The following MICU3 variants were observed in gnomAD, a reference collection of about 807,000 sequenced individuals.
MICU3 encodes the protein calcium uptake protein 3, mitochondrial.
A neutral mutation model predicts 66.5 loss-of-function variants in MICU3; 62 were observed. That is an observed-to-expected ratio of 0.93 (90% confidence interval 0.76 to 1.15). MICU3 has a LOEUF of 1.15. Among genes scored for constraint, MICU3 ranks in the 50% most tolerant of loss-of-function variants. The pLI is 0.00. For missense variants in MICU3, 779 were observed against 664.4 expected (o/e 1.17, Z -1.90); for synonymous variants, 308 against 240.7 (o/e 1.28, Z -2.59).
intron 12 of MICU3, 63 bp downstream of exon 12, chr8:17,114,264 G>A: frequency 2.8e-6 from 3 of 1,067,740 alleles, no homozygotes; most frequent in Non-Finnish European, 4.2e-6. Flanking sequence ...TATAGATTTT[G>A]GCAACCAATT....
At chr8:17,138,383 C>A in the MICU3 span, among the ~76,000 whole-genome samples, 1 of 152,122 alleles carries the variant, frequency 6.6e-6, no homozygotes, top group African/African-American at 2.4e-5. Flanking sequence ...ACAGAACATA[C>A]CTTCAACCGT....
intron 12 of MICU3, among the ~76,000 whole-genome samples, chr8:17,116,045 C>G (rs1802649568): frequency 6.6e-6 from 1 of 152,222 alleles, no homozygotes; most frequent in African/African-American, 2.4e-5. Context: ...AGTGATCACT[C>G]ATCTCCAGAT....
the MICU3 span, among the ~76,000 whole-genome samples, chr8:17,133,420 GT>G: frequency 6.6e-6 from 1 of 151,882 alleles, no homozygotes; most frequent in East Asian, 1.9e-4. Flanking sequence ...CACTTTCTTT[GT>G]ATATCAAATA....
intron 11 of MICU3, among the ~76,000 whole-genome samples, chr8:17,111,900 G>A (rs1375377850): frequency 1.3e-5 from 2 of 152,142 alleles, no homozygotes; most frequent in Non-Finnish European, 2.9e-5. Context: ...ACATGGCTGG[G>A]GAGGCCTGAG....
intron 4 of MICU3, among the ~76,000 whole-genome samples, chr8:17,078,690 G>A (rs1820741160): frequency 6.6e-6 from 1 of 151,938 alleles, no homozygotes. Context: ...CAAATACTTT[G>A]AAGGAGTAGT....
chr8:17,057,349 T>A (rs779553426), intron 1 of MICU3, among the ~76,000 whole-genome samples: 4 of 152,152 alleles, frequency 2.6e-5, no homozygotes, highest in Admixed American at 6.5e-5. Context: ...AGCTCAGTTC[T>A]TGTTCCCAGA....
At chr8:17,056,539 T>C (rs1816958358) in intron 1 of MICU3, among the ~76,000 whole-genome samples, 1 of 152,218 alleles carries the variant, frequency 6.6e-6, no homozygotes, top group Admixed American at 6.5e-5. Flanking sequence ...AAGGAATTCA[T>C]GATTGAATGG....
At chr8:17,058,511 T>A (rs552035090) in intron 1 of MICU3, among the ~76,000 whole-genome samples, 1 of 152,222 alleles carries the variant, frequency 6.6e-6, no homozygotes, top group Admixed American at 6.5e-5. Flanking sequence ...TTTAATGTCA[T>A]GTTCCGCCTT....
chr8:17,040,527 G>A (rs939617226), intron 1 of MICU3, among the ~76,000 whole-genome samples: 29 of 152,174 alleles, frequency 1.9e-4, no homozygotes, highest in African/African-American at 6.8e-4. Flanking sequence ...AAGCATTAAT[G>A]ATTGGATACT....
chr8:17,060,977 C>G (rs770110719), intron 1 of MICU3, among the ~76,000 whole-genome samples: 5 of 152,022 alleles, frequency 3.3e-5, no homozygotes, highest in Admixed American at 6.6e-5. Context: ...TTAATGAAAA[C>G]CTTCAACTCT....
intron 1 of MICU3, among the ~76,000 whole-genome samples, chr8:17,061,775 A>G: frequency 6.6e-6 from 1 of 151,924 alleles, no homozygotes; most frequent in East Asian, 1.9e-4. Context: ...GGAAGAAGAA[A>G]CCCTGAGATA....
chr8:17,130,711 G>A, the MICU3 span, among the ~76,000 whole-genome samples: 3 of 151,894 alleles, frequency 2.0e-5, no homozygotes, highest in Non-Finnish European at 4.4e-5. Context: ...CCATAGAACC[G>A]TAAGTGAGTT....
chr8:17,059,916 T>G (rs1817555602), intron 1 of MICU3, among the ~76,000 whole-genome samples: 1 of 152,198 alleles, frequency 6.6e-6, no homozygotes, highest in Admixed American at 6.5e-5. Context: ...TCTCCCAAAA[T>G]TTAATGTCAT....
intron 8 of MICU3, among the ~76,000 whole-genome samples, chr8:17,097,253 A>G (rs953712545): frequency 5.9e-5 from 9 of 151,936 alleles, no homozygotes; most frequent in East Asian, 5.8e-4. Context: ...ATCTATATAA[A>G]ATAAAATGAA....
At chr8:17,098,018 T>C (rs1427993250) in intron 8 of MICU3, among the ~76,000 whole-genome samples, 1 of 151,752 alleles carries the variant, frequency 6.6e-6, no homozygotes, top group African/African-American at 2.4e-5. Context: ...TAAAGTTATT[T>C]TGAGTCTTTG....
chr8:17,118,120 G>A (rs1382931876), intron 13 of MICU3, among the ~76,000 whole-genome samples: 4 of 152,058 alleles, frequency 2.6e-5, no homozygotes, highest in African/African-American at 9.7e-5. Flanking sequence ...CGTTTATTTT[G>A]CCTCAAAAAT....
intron 1 of MICU3, among the ~76,000 whole-genome samples, chr8:17,049,426 G>A (rs1815670867): frequency 6.6e-6 from 1 of 152,132 alleles, no homozygotes; most frequent in South Asian, 2.1e-4. Context: ...ACATCAAGAG[G>A]TAGAGTCTCT....
At position 17,044,790 on chromosome 8, in the gene MICU3, T is replaced by C. The variant is rs73666262; in HGVS notation, c.381+17130T>C. 8.8e-3 allele frequency among the ~76,000 whole-genome samples: 1,339 copies of C among 152,262 alleles called. 14 individuals are homozygous for C. The highest frequency in any genetic ancestry group is 0.027 in the African/African-American group (1,119 of 41,538). ...AGGAAATAACATAGGCTGAAATAAG[T>C]GAAAGCAGGTGTAATAAGGAGCAGT... On this transcript the variant is annotated intron_variant, in intron 1 of 14. Coordinates refer to ENST00000318063, the MANE Select transcript of MICU3 (RefSeq NM_181723.3).
chr8:17,045,198 AC>A (rs1814856725), intron 1 of MICU3, among the ~76,000 whole-genome samples: 2 of 152,184 alleles, frequency 1.3e-5, no homozygotes, highest in Non-Finnish European at 2.9e-5. Flanking sequence ...TAGATAGATA[AC>A]ATATGTTTTT....
Sources: allele counts gnomAD v4.1 joint callset (sites outside exome capture counted in the v4.1 genomes callset), GRCh38; gene constraint gnomAD v4.1.1; transcripts MANE v1.5; gene names NCBI Gene and HGNC (gene_info 2026-07-23, HGNC 2026-07-21).